TRAPPC9: variants seen among roughly 807,000 people sequenced by gnomAD.
The protein encoded by TRAPPC9 is trafficking protein particle complex subunit 9.
Under a neutral mutation model 124.0 loss-of-function variants are expected in TRAPPC9, and 83 were observed. That is an observed-to-expected ratio of 0.67 (90% CI 0.56 to 0.80). The LOEUF is 0.80. TRAPPC9 is among the 30% of genes least tolerant of loss of function. TRAPPC9 has a pLI of 0.00. For missense variants in TRAPPC9, 1,302 were observed against 1,508.3 expected (o/e 0.86, Z 2.27); for synonymous variants, 638 against 617.5 (o/e 1.03, Z -0.49).
intron 18 of TRAPPC9, among the ~76,000 whole-genome samples, chr8:140,005,488 A>G (rs751912792): frequency 6.6e-6 from 1 of 152,112 alleles, no homozygotes; most frequent in Non-Finnish European, 1.5e-5. Flanking sequence ...AGCCTGGTGA[A>G]GTTTTGGGGG....
intron 21 of TRAPPC9, among the ~76,000 whole-genome samples, chr8:139,767,931 C>A (rs1329695074): frequency 3.9e-5 from 6 of 152,160 alleles, no homozygotes; most frequent in Non-Finnish European, 8.8e-5. Context: ...TGGAGGGCAA[C>A]CTCACAAGTA....
At chr8:139,990,946 G>A (rs1837602912) in intron 18 of TRAPPC9, among the ~76,000 whole-genome samples, 1 of 152,132 alleles carries the variant, frequency 6.6e-6, no homozygotes, top group Non-Finnish European at 1.5e-5. Context: ...ACCTTGAGAT[G>A]ACAGCTCCCA....
chr8:140,456,143 C>T (rs998167795), intron 1 of TRAPPC9, among the ~76,000 whole-genome samples: 4 of 152,134 alleles, frequency 2.6e-5, no homozygotes, highest in Non-Finnish European at 5.9e-5. Flanking sequence ...GGCATGGTGG[C>T]TCACGCCTGT....
At chr8:140,148,974 A>G (rs536479474) in intron 17 of TRAPPC9, among the ~76,000 whole-genome samples, 51 of 152,316 alleles carry the variant, frequency 3.3e-4, no homozygotes, top group African/African-American at 1.2e-3. Flanking sequence ...TGAAGAAGCT[A>G]ATGCATTTGG....
intron 17 of TRAPPC9, among the ~76,000 whole-genome samples, chr8:140,107,728 A>G (rs760720755): frequency 6.6e-6 from 1 of 152,232 alleles, no homozygotes; most frequent in Non-Finnish European, 1.5e-5. Flanking sequence ...GCCACAAGAC[A>G]GCCATGAGAA....
intron 17 of TRAPPC9, among the ~76,000 whole-genome samples, chr8:140,135,239 G>A (rs2061279894): frequency 6.6e-6 from 1 of 152,194 alleles, no homozygotes; most frequent in Non-Finnish European, 1.5e-5. Context: ...TGCAACCAAT[G>A]TGGAAACTTT....
chr8:139,752,110 C>T (rs972254458), intron 21 of TRAPPC9, among the ~76,000 whole-genome samples: 2 of 150,208 alleles, frequency 1.3e-5, no homozygotes, highest in African/African-American at 4.9e-5. Flanking sequence ...CCACTACCAC[C>T]TGTTCATCTA....
chr8:140,248,193 A>C (rs2064033010), intron 16 of TRAPPC9, among the ~76,000 whole-genome samples: 2 of 152,212 alleles, frequency 1.3e-5, no homozygotes, highest in African/African-American at 4.8e-5. Flanking sequence ...GGTACTCAAG[A>C]ATATAAGAAA....
rs78885906 is a variant in TRAPPC9, at chr8:139,966,076, A to G, written c.2810+22650T>C. Among the ~76,000 whole-genome samples the G allele has an allele frequency of 2.9e-3, 441 of 152,346 alleles. 2 individuals are homozygous for G. The highest frequency in any genetic ancestry group is 5.2e-3 in the Non-Finnish European group (356 of 68,040). On this transcript the variant is annotated intron_variant, in intron 19 of 22. Coordinates refer to ENST00000438773, the MANE Select transcript of TRAPPC9 (RefSeq NM_001160372.4). ...CATAGGACGTTTCTATGAAGTTGTGAAGAGTTCTGCTCAGCCAGTGCCTCT... is the reference window on the plus strand; with the variant it reads ...CATAGGACGTTTCTATGAAGTTGTGGAGAGTTCTGCTCAGCCAGTGCCTCT...
chr8:140,120,582 CCATT>C (rs1299351771), intron 17 of TRAPPC9, among the ~76,000 whole-genome samples: 3 of 151,918 alleles, frequency 2.0e-5, no homozygotes, highest in African/African-American at 7.3e-5. Flanking sequence ...ATCCATCCAT[CCATT>C]CATCCATCCA....
chr8:139,860,933 C>T (rs1363940168), intron 21 of TRAPPC9, among the ~76,000 whole-genome samples: 1 of 152,264 alleles, frequency 6.6e-6, no homozygotes, highest in African/African-American at 2.4e-5. Flanking sequence ...ACAAACACTA[C>T]AGCCTGGAGA....
At chr8:140,329,184 G>A (rs2066827600) in intron 9 of TRAPPC9, among the ~76,000 whole-genome samples, 1 of 152,114 alleles carries the variant, frequency 6.6e-6, no homozygotes, top group South Asian at 2.1e-4. Flanking sequence ...GAGGTGAGGG[G>A]CAGTGAGAAA....
chr8:140,283,739 C>G (rs370964429), intron 14 of TRAPPC9, 150 bp downstream of exon 14: 18 of 799,040 alleles, frequency 2.3e-5, no homozygotes, highest in Non-Finnish European at 3.4e-5. Flanking sequence ...TTAAGCAAAG[C>G]GTATTGATGT....
intron 7 of TRAPPC9, among the ~76,000 whole-genome samples, chr8:140,376,504 C>T (rs898268186): frequency 1.4e-5 from 2 of 141,676 alleles, no homozygotes; most frequent in African/African-American, 2.7e-5. Flanking sequence ...TGCAGTGAGC[C>T]GGGATTGCGC....
chr8:140,080,020 G>A (rs1843727216), intron 17 of TRAPPC9, among the ~76,000 whole-genome samples: 1 of 152,116 alleles, frequency 6.6e-6, no homozygotes, highest in Non-Finnish European at 1.5e-5. Context: ...ACTTTCCCCT[G>A]GTCAGATGTT....
chr8:140,410,141 CA>C (rs61149910), intron 5 of TRAPPC9, among the ~76,000 whole-genome samples: 1,731 of 69,984 alleles, frequency 0.025, 8 homozygotes, highest in African/African-American at 0.048. Flanking sequence ...ACCTTGTCTC[CA>C]AAAAAAAAAA....
intron 21 of TRAPPC9, among the ~76,000 whole-genome samples, chr8:139,733,688 G>A (rs933356011): frequency 6.6e-6 from 1 of 152,214 alleles, no homozygotes; most frequent in African/African-American, 2.4e-5. Flanking sequence ...GAGAGCAGGT[G>A]GGCCACAAGA....
At chr8:139,849,572 G>A (rs1827315809) in intron 21 of TRAPPC9, among the ~76,000 whole-genome samples, 1 of 152,208 alleles carries the variant, frequency 6.6e-6, no homozygotes, top group Non-Finnish European at 1.5e-5. Context: ...ATATTAAACA[G>A]ATCACATGTT....
intron 17 of TRAPPC9, among the ~76,000 whole-genome samples, chr8:140,155,393 C>T (rs2061611712): frequency 6.6e-6 from 1 of 152,228 alleles, no homozygotes; most frequent in African/African-American, 2.4e-5. Flanking sequence ...TGTTACCAAG[C>T]AGGACGCCAC....
Sources: allele counts gnomAD v4.1 joint callset (sites outside exome capture counted in the v4.1 genomes callset), GRCh38; gene constraint gnomAD v4.1.1; transcripts MANE v1.5; gene names NCBI Gene and HGNC (gene_info 2026-07-23, HGNC 2026-07-21).